The following HGSNAT variants were observed in gnomAD, a reference collection of about 807,000 sequenced individuals.
HGSNAT encodes transmembrane protein 76.
Under a neutral mutation model 85.2 loss-of-function variants are expected in HGSNAT, and 59 were observed. That is an observed-to-expected ratio of 0.69 (90% CI 0.56 to 0.86). The LOEUF is 0.86. Among genes scored for constraint, HGSNAT ranks in the 40% least tolerant of loss-of-function variants. HGSNAT has a pLI of 0.00. For missense variants in HGSNAT, 756 were observed against 777.1 expected (o/e 0.97, Z 0.32); for synonymous variants, 321 against 304.5 (o/e 1.05, Z -0.56).
intron 11 of HGSNAT, among the ~76,000 whole-genome samples, chr8:43,189,872 C>T (rs572573889): frequency 3.9e-5 from 6 of 152,314 alleles, no homozygotes; most frequent in South Asian, 2.1e-4. Flanking sequence ...GGAGTACAGG[C>T]GGGAGCCACC....
chr8:43,146,662 C>T (rs898359051), intron 1 of HGSNAT, among the ~76,000 whole-genome samples: 1 of 152,088 alleles, frequency 6.6e-6, no homozygotes, highest in Admixed American at 6.5e-5. Context: ...CTTTGATGCA[C>T]TAGATTTGAG....
intron 5 of HGSNAT, among the ~76,000 whole-genome samples, chr8:43,166,073 G>C (rs1803425500): frequency 6.6e-6 from 1 of 152,228 alleles, no homozygotes; most frequent in South Asian, 2.1e-4. Flanking sequence ...GCTCTTTTCA[G>C]TTCTGTAGAG....
chr8:43,188,585 A>G (rs6994105), intron 11 of HGSNAT, among the ~76,000 whole-genome samples: 10,553 of 152,180 alleles, frequency 0.069, 1,251 homozygotes, highest in African/African-American at 0.24. Flanking sequence ...AGATGGGTTC[A>G]AACATCCTCC....
At chr8:43,152,050 AG>A (rs1802938524) in intron 2 of HGSNAT, among the ~76,000 whole-genome samples, 1 of 152,214 alleles carries the variant, frequency 6.6e-6, no homozygotes, top group Non-Finnish European at 1.5e-5. Context: ...GCACTTTGGG[AG>A]GCCCAGGTGG....
chr8:43,191,564 A>G lies in HGSNAT; in HGVS notation c.1219A>G (p.Thr407Ala). 6.2e-7 allele frequency: 1 copy of G among 1,613,970 alleles called. No individual in the cohort carries two copies. The highest frequency in any genetic ancestry group is 8.5e-7 in the Non-Finnish European group (1 of 1,179,876). ...LVLEGLWLGL[T>A]FLLPVPGCPT... ...GCTGGAAGGCCTGTGGCTGGGCTTG[A>G]CATTCCTCCTGCCAGTCCCTGGGTG... is the stretch of plus-strand genomic sequence containing the variant. The change falls in exon 12 of 18, where the codon ACA becomes GCA. Residue 407 changes from threonine (T) to alanine (A), a missense_variant. Coordinates refer to ENST00000379644, the MANE Select transcript of HGSNAT (RefSeq NM_152419.3).
Position 43,191,505 on chromosome 8 carries a change from C to T in HGSNAT, c.1160C>T (p.Thr387Met), listed in dbSNP as rs370653879. ...AGCTGCCTTTCTCTTCGAGACATCA[C>T]GTCCAGCTGGCCCCAGTGGCTGCTC... is the stretch of plus-strand genomic sequence containing the variant. ...ERSCLSLRDI[T>M]SSWPQWLLIL... The change falls in exon 12 of 18, where the codon ACG (threonine) becomes ATG (methionine). Residue 387 changes from threonine (T) to methionine (M), a missense_variant. By Grantham distance (81) the Thr-to-Met change is moderately conservative. Coordinates refer to ENST00000379644, the MANE Select transcript of HGSNAT (RefSeq NM_152419.3). The T allele has an allele frequency of 8.7e-6, 14 of 1,613,846 alleles. No individual in the cohort carries two copies. The highest frequency in any genetic ancestry group is 1.7e-5 in the Admixed American group (1 of 60,006).
intron 11 of HGSNAT, among the ~76,000 whole-genome samples, chr8:43,189,752 C>T (rs59276354): frequency 0.016 from 2,500 of 152,270 alleles, 69 homozygotes; most frequent in African/African-American, 0.058. Context: ...ACCTCCTCCA[C>T]GCCCAGCTAA....
At chr8:43,169,300 A>G in intron 6 of HGSNAT, 58 bp downstream of exon 6, 1 of 1,101,906 alleles carries the variant, frequency 9.1e-7, no homozygotes, top group Non-Finnish European at 1.3e-6. Context: ...TGGAATTTAT[A>G]GTTTCTTATT....
chr8:43,155,173 G>A (rs1803053491), intron 2 of HGSNAT, among the ~76,000 whole-genome samples: 1 of 152,082 alleles, frequency 6.6e-6, no homozygotes, highest in Non-Finnish European at 1.5e-5. Flanking sequence ...CACAATGGCT[G>A]TACTAATTTA....
chr8:43,192,983 G>A (rs1474944680), intron 13 of HGSNAT, among the ~76,000 whole-genome samples: 3 of 152,170 alleles, frequency 2.0e-5, no homozygotes, highest in Admixed American at 6.5e-5. Context: ...TTTGTAGGTA[G>A]CCCCAGCAAA....
At chr8:43,145,250 T>G (rs1490985257) in intron 1 of HGSNAT, among the ~76,000 whole-genome samples, 1 of 152,178 alleles carries the variant, frequency 6.6e-6, no homozygotes, top group East Asian at 1.9e-4. Flanking sequence ...CCACCCTGCG[T>G]GCTGACCTAG....
At chr8:43,148,294 C>T (rs905452297) in intron 2 of HGSNAT, among the ~76,000 whole-genome samples, 2 of 151,542 alleles carry the variant, frequency 1.3e-5, no homozygotes, top group African/African-American at 4.8e-5. Flanking sequence ...CTTCGTTATA[C>T]CTACCATCAG....
rs1804936397 is a variant in HGSNAT, at chr8:43,202,169, T to G, written c.*2600T>G. The G allele has an allele frequency of 6.5e-6, 1 of 152,864 alleles. No homozygotes were observed. Among genetic ancestry groups the G allele is most frequent in the South Asian group, 2.1e-4 (1 of 4,834 alleles). The allele number at this position is 152,864 out of a possible 1,614,324, so 9.5% of individuals were successfully genotyped here. A position where few individuals can be genotyped will look rare whatever the true frequency, so the allele number is the denominator to read the frequency against. ...CGGGAGGCCAGACCCAGCCTGAGCT[T>G]GCTGTTAGCTAGCGGAGGCAGCTGC... is the stretch of plus-strand genomic sequence containing the variant. On this transcript the variant is annotated 3_prime_UTR_variant, in exon 18 of 18. Coordinates refer to ENST00000379644, the MANE Select transcript of HGSNAT (RefSeq NM_152419.3).
intron 12 of HGSNAT, 111 bp from the exon 13 acceptor site, chr8:43,192,193 G>A: frequency 8.1e-7 from 1 of 1,240,860 alleles, no homozygotes; most frequent in South Asian, 1.6e-5. Flanking sequence ...CTCCCAAAGT[G>A]TTGGGATTAC....
chr8:43,145,931 T>C (rs545145254), intron 1 of HGSNAT, among the ~76,000 whole-genome samples: 1 of 152,286 alleles, frequency 6.6e-6, no homozygotes, highest in Non-Finnish European at 1.5e-5. Context: ...GTAAATTTAC[T>C]CAGAGGATAA....
rs16891686 is a variant in HGSNAT at position 43,192,257 on chromosome 8, C to T, written c.1251-47C>T. 7,773 of 1,568,624 alleles carry T rather than the reference C, an allele frequency of 5.0e-3. 282 individuals carry two copies. The African/African-American group carries it at 0.082, about 17-fold the overall frequency. ...GTTTTTTTATTCTTGTCCCTCTGTT[C>T]GCCCTTATGAGGTCTTGTCATTTAC... On this transcript the variant is annotated intron_variant, in intron 12 of 17. Transcript: ENST00000379644.
intron 2 of HGSNAT, among the ~76,000 whole-genome samples, chr8:43,157,549 G>T (rs1803129599): frequency 6.6e-6 from 1 of 152,134 alleles, no homozygotes. Flanking sequence ...GCTGAGGCAG[G>T]TGCATCACCT....
In HGSNAT at chr8:43,159,045, G is replaced by A. The variant is rs193066451; in HGVS notation, c.493+1G>A. On this transcript the variant is annotated splice_donor_variant, in intron 4 of 17. Coordinates refer to ENST00000379644, the MANE Select transcript of HGSNAT (RefSeq NM_152419.3). LOFTEE classifies it high-confidence loss of function. ...GAGGATCCAGTTGATAGTAACCTTC[G>A]TACGTATATGTTCTCTGCTGATTTT... The A allele has an allele frequency of 2.8e-5, 45 of 1,612,570 alleles. No homozygotes were observed. The African/African-American group carries it at 4.3e-4, about 15-fold the overall frequency.
Position 43,178,061 on chromosome 8 carries a change from A to G in HGSNAT, c.852-13A>G, listed in dbSNP as rs2130766120. ...TGGAAATGGCCACCTATTAATAACT[A>G]GATTCTTTTTAGGTTTGTATTTATT... On this transcript the variant is annotated splice_polypyrimidine_tract_variant and intron_variant, in intron 9 of 17. Coordinates refer to ENST00000379644, the MANE Select transcript of HGSNAT (RefSeq NM_152419.3). The G allele has an allele frequency of 1.9e-6, 3 of 1,610,042 alleles. No homozygotes were observed. The highest frequency in any genetic ancestry group is 1.7e-4 in the Middle Eastern group (1 of 6,054).
Sources: gnomAD v4.1 joint callset for allele counts (sites outside exome capture counted in the v4.1 genomes callset) on GRCh38, gnomAD v4.1.1 for gene constraint, MANE v1.5 for transcripts, NCBI Gene and HGNC (gene_info 2026-07-23, HGNC 2026-07-21) for gene names.